The following RERG variants were observed in gnomAD, a reference collection of about 807,000 sequenced individuals.
RERG encodes ras-related and estrogen-regulated growth inhibitor.
A neutral mutation model predicts 23.2 loss-of-function variants in RERG; 25 were observed. The ratio of observed to expected loss-of-function variants is 1.08; its 90% CI spans 0.79 to 1.50. The LOEUF (loss-of-function observed/expected upper bound fraction) is 1.50. RERG is among the 40% of genes most tolerant of loss of function. The probability of loss-of-function intolerance (pLI) is 0.00; values close to 1 mark genes in which losing one functional copy is unlikely to be tolerated. For synonymous variants in RERG, 81 were observed against 89.1 expected (o/e 0.91, Z 0.51); for missense variants, 253 against 250.1 (o/e 1.01, Z -0.08).
chr12:15,151,641 A>G lies in RERG; in HGVS notation c.62-30522T>C, dbSNP rs34560242. On this transcript the variant is annotated intron_variant, in intron 2 of 4. Coordinates refer to ENST00000256953, the MANE Select transcript of RERG (RefSeq NM_032918.3). The stretch of plus-strand genomic sequence containing the variant: ...GTAGAAATCTTTCAGGTGAAATGTA[A>G]TGTCCAGGAACTGAATGGTAGTGGA... Among the ~76,000 whole-genome samples the G allele has an allele frequency of 1.6e-3, 245 of 152,310 alleles. 1 individual carries two copies. Among genetic ancestry groups the G allele is most frequent in the Middle Eastern group, 0.01 (3 of 294 alleles).
intron 2 of RERG, among the ~76,000 whole-genome samples, chr12:15,203,706 A>C (rs189948934): frequency 1.3e-5 from 2 of 151,814 alleles, no homozygotes; most frequent in Admixed American, 6.6e-5. Flanking sequence ...CTAATAAATG[A>C]ATTCAGTAAA....
chr12:15,220,602 T>C (rs1341555310), intron 1 of RERG, among the ~76,000 whole-genome samples: 1 of 152,208 alleles, frequency 6.6e-6, no homozygotes, highest in Non-Finnish European at 1.5e-5. Context: ...AGGTTCATGC[T>C]TTCTACTTCC....
chr12:15,118,567 T>A (rs1863773134), intron 3 of RERG, among the ~76,000 whole-genome samples: 1 of 152,174 alleles, frequency 6.6e-6, no homozygotes, highest in Non-Finnish European at 1.5e-5. Context: ...TCATTTGTCA[T>A]CCCAAATGTT....
intron 2 of RERG, among the ~76,000 whole-genome samples, chr12:15,161,201 A>AGAAAGAAAGAAAGAAAGAAG: frequency 6.7e-6 from 1 of 149,922 alleles, no homozygotes; most frequent in Non-Finnish European, 1.5e-5. Context: ...AAAGAAAGAA[A>AGAAAGAAAGAAAGAAAGAAG]GAAAGAAAGA....
intron 2 of RERG, among the ~76,000 whole-genome samples, chr12:15,159,106 T>C (rs1864566723): frequency 6.6e-6 from 1 of 152,242 alleles, no homozygotes; most frequent in African/African-American, 2.4e-5. Context: ...GATATTCTAT[T>C]GTAAGAAAGA....
intron 2 of RERG, chr12:15,138,069 A>G (rs1864174443): frequency 7.1e-6 from 2 of 280,432 alleles, no homozygotes; most frequent in South Asian, 7.0e-5. Flanking sequence ...TTTTGTCAAA[A>G]TGCTTCAGAT....
intron 2 of RERG, among the ~76,000 whole-genome samples, chr12:15,148,476 T>C (rs1864371962): frequency 6.6e-6 from 1 of 152,212 alleles, no homozygotes; most frequent in Non-Finnish European, 1.5e-5. Context: ...GAGCCTCCTG[T>C]TTCTGAAAGA....
intron 2 of RERG, among the ~76,000 whole-genome samples, chr12:15,149,237 C>A (rs1370023892): frequency 6.6e-6 from 1 of 152,120 alleles, no homozygotes; most frequent in Non-Finnish European, 1.5e-5. Context: ...TGTTTATTTG[C>A]TTATTTGTTC....
chr12:15,157,283 A>T (rs1168304893), intron 2 of RERG, among the ~76,000 whole-genome samples: 2 of 152,248 alleles, frequency 1.3e-5, no homozygotes, highest in Non-Finnish European at 2.9e-5. Context: ...ATCAGCAGAT[A>T]TGAGTGTAGG....
chr12:15,109,217 G>C lies in RERG; in HGVS notation c.493C>G (p.Arg165Gly). The C allele has an allele frequency of 6.2e-7, 1 of 1,613,290 alleles. No individual in the cohort carries two copies. Among genetic ancestry groups the C allele is most frequent in the Non-Finnish European group, 8.5e-7 (1 of 1,179,758 alleles). Reference sequence around the variant, plus strand: ...ACCATCCTCCGGCGACGCACCTCTCGACACAATTCATAGAATATCTCTGTG... The same window carrying C: ...ACCATCCTCCGGCGACGCACCTCTCCACACAATTCATAGAATATCTCTGTG... ...NITEIFYELCREVRRRRMVQG... is the reference protein window; with the variant it reads ...NITEIFYELCGEVRRRRMVQG... The change falls in exon 5 of 5, where the codon CGA becomes GGA. Residue 165 changes from arginine (R) to glycine (G), a missense_variant. Transcript: ENST00000256953.
chr12:15,217,620 T>C lies in RERG; in HGVS notation c.-114-17A>G. 1.5e-6 allele frequency: 1 copy of C among 689,350 alleles called. No individual in the cohort carries two copies. The highest frequency in any genetic ancestry group is 2.6e-6 in the Non-Finnish European group (1 of 387,382). 42.7% of individuals were successfully genotyped at this position (689,350 alleles called of 1,614,324 possible). A position where few individuals can be genotyped will look rare whatever the true frequency, so the allele number is the denominator to read the frequency against. ...TCCACAATCCTTAAACAAAAGAAAT[T>C]TGGGAATTCATAAGTGACTGGAAAA... On this transcript the variant is annotated splice_polypyrimidine_tract_variant and intron_variant, in intron 1 of 4. Coordinates refer to ENST00000256953, the MANE Select transcript of RERG (RefSeq NM_032918.3).
chr12:15,163,796 G>A (rs1425847855), intron 2 of RERG, among the ~76,000 whole-genome samples: 1 of 152,146 alleles, frequency 6.6e-6, no homozygotes, highest in Non-Finnish European at 1.5e-5. Flanking sequence ...TGCCTAGTGG[G>A]AAAGACGATC....
chr12:15,205,501 A>T (rs1228839370), intron 2 of RERG, among the ~76,000 whole-genome samples: 1 of 152,042 alleles, frequency 6.6e-6, no homozygotes, highest in Non-Finnish European at 1.5e-5. Flanking sequence ...TTTGGAACAG[A>T]TCACTGTTAT....
At chr12:15,163,682 AG>A (rs1199346780) in intron 2 of RERG, among the ~76,000 whole-genome samples, 1 of 152,234 alleles carries the variant, frequency 6.6e-6, no homozygotes, top group Non-Finnish European at 1.5e-5. Flanking sequence ...AGGCAACAGG[AG>A]AAAACTGTAA....
intron 2 of RERG, among the ~76,000 whole-genome samples, chr12:15,193,451 T>A (rs1275219739): frequency 6.6e-6 from 1 of 152,106 alleles, no homozygotes; most frequent in East Asian, 1.9e-4. Flanking sequence ...ATACCAATCT[T>A]CATCCCATGC....
intron 2 of RERG, among the ~76,000 whole-genome samples, chr12:15,149,885 T>C (rs1864408685): frequency 6.6e-6 from 1 of 152,242 alleles, no homozygotes; most frequent in African/African-American, 2.4e-5. Flanking sequence ...TTCGTGACTA[T>C]GATAGACATT....
intron 2 of RERG, among the ~76,000 whole-genome samples, chr12:15,175,704 T>G (rs1344668364): frequency 6.6e-6 from 1 of 152,116 alleles, no homozygotes; most frequent in Non-Finnish European, 1.5e-5. Flanking sequence ...GGATAGGGCT[T>G]TTCCTTTAAC....
chr12:15,204,461 G>A (rs1311851775), intron 2 of RERG, among the ~76,000 whole-genome samples: 1 of 151,688 alleles, frequency 6.6e-6, no homozygotes, highest in Non-Finnish European at 1.5e-5. Flanking sequence ...ACTTGGAAGT[G>A]TAAAACCCCT....
At chr12:15,173,531 A>T (rs889005117) in intron 2 of RERG, among the ~76,000 whole-genome samples, 10 of 151,948 alleles carry the variant, frequency 6.6e-5, no homozygotes. Context: ...TTTTATAGGG[A>T]TTGCAATGAA....
Sources: allele counts gnomAD v4.1 joint callset (sites outside exome capture counted in the v4.1 genomes callset), GRCh38; gene constraint gnomAD v4.1.1; transcripts MANE v1.5; gene names NCBI Gene and HGNC (gene_info 2026-07-23, HGNC 2026-07-21).